PSAP: variants seen among roughly 807,000 people sequenced by gnomAD.
PSAP encodes the protein precursor of saposins.
Under a neutral mutation model 66.0 loss-of-function variants are expected in PSAP, and 25 were observed. That is an observed-to-expected ratio of 0.38 (90% CI 0.28 to 0.53). The LOEUF is 0.53. PSAP is among the 20% of genes least tolerant of loss of function. PSAP has a pLI of 0.83. For missense variants in PSAP, 649 were observed against 668.8 expected (o/e 0.97, Z 0.33); for synonymous variants, 273 against 258.9 (o/e 1.05, Z -0.52).
chr10:71,835,835 A>C (rs891965018), intron 1 of PSAP, among the ~76,000 whole-genome samples: 6 of 135,166 alleles, frequency 4.4e-5, no homozygotes, highest in Non-Finnish European at 7.7e-5. Context: ...AAAAAAAAAA[A>C]AAAACAAAAC....
Position 71,821,324 on chromosome 10 carries a change from T to C in PSAP, c.909+552A>G, listed in dbSNP as rs201061617. Among the ~76,000 whole-genome samples the C allele has an allele frequency of 2.0e-5, 3 of 152,246 alleles. No individual in the cohort carries two copies. The East Asian group carries it at 5.8e-4, about 29-fold the overall frequency. ...AAGCCCCACGGGCACAATGACATCATCTGTTCACCACAGCCCCTAACATGC... is the reference window on the plus strand; with the variant it reads ...AAGCCCCACGGGCACAATGACATCACCTGTTCACCACAGCCCCTAACATGC... On this transcript the variant is annotated intron_variant, in intron 8 of 13. Transcript: ENST00000394936.
rs541428319 is a variant in PSAP, at chr10:71,828,468, C to A, written c.577-311G>T. Among the ~76,000 whole-genome samples, 79 of 152,150 alleles carry A rather than the reference C, an allele frequency of 5.2e-4. 2 individuals are homozygous for A. The South Asian group carries it at 0.01, about 20-fold the overall frequency. On this transcript the variant is annotated intron_variant, in intron 5 of 13. Transcript: ENST00000394936. ...CCCAGGAGTTTGAGACCAGTCTGAG[C>A]AACATGGCAAAACAAAAAATACAAA...
chr10:71,834,149 T>C (rs916293867), intron 2 of PSAP, among the ~76,000 whole-genome samples: 1 of 152,176 alleles, frequency 6.6e-6, no homozygotes, highest in African/African-American at 2.4e-5. Context: ...AGAAACCAGG[T>C]AGCCTCAGGA....
At chr10:71,830,318 C>T (rs570786495) in intron 4 of PSAP, among the ~76,000 whole-genome samples, 2 of 152,344 alleles carry the variant, frequency 1.3e-5, no homozygotes, top group South Asian at 2.1e-4. Flanking sequence ...TCCATTTAAT[C>T]CTCCAAAAGA....
In PSAP at chr10:71,835,647, A is replaced by G. The variant is rs186734744; in HGVS notation, c.41-1142T>C. On this transcript the variant is annotated intron_variant, in intron 1 of 13. Transcript: ENST00000394936. ...TGATTTTAGAACCAAAAAAATGGGG[A>G]AAAAAATCCTCAGATTCACATCTCA... Among the ~76,000 whole-genome samples, 562 of 152,174 alleles carry G rather than the reference A, an allele frequency of 3.7e-3. 2 individuals carry two copies. Among genetic ancestry groups the G allele is most frequent in the African/African-American group, 0.011 (466 of 41,516 alleles).
chr10:71,830,449 A>C (rs942402689), intron 4 of PSAP, among the ~76,000 whole-genome samples: 3 of 152,194 alleles, frequency 2.0e-5, no homozygotes, highest in Non-Finnish European at 2.9e-5. Context: ...GACCTAGACC[A>C]AACCCTTTGA....
intron 7 of PSAP, 107 bp downstream of exon 7, chr10:71,825,730 C>CT: frequency 9.1e-7 from 1 of 1,095,074 alleles, no homozygotes; most frequent in Non-Finnish European, 1.4e-6. Flanking sequence ...ATTCAGCACT[C>CT]TAAGGTAAAA....
intron 7 of PSAP, chr10:71,823,902 GAACAAA>G (rs749059377): frequency 7.7e-7 from 1 of 1,297,126 alleles, no homozygotes; most frequent in Non-Finnish European, 1.0e-6. Flanking sequence ...TCCTGCTGTT[GAACAAA>G]AAAACAGGAA....
intron 1 of PSAP, among the ~76,000 whole-genome samples, chr10:71,845,337 G>A (rs989498545): frequency 3.3e-5 from 5 of 152,162 alleles, no homozygotes; most frequent in South Asian, 2.1e-4. Flanking sequence ...GGCTCTCTAC[G>A]GGGGCAGCTG....
At position 71,831,167 on chromosome 10, in the gene PSAP, A is replaced by G; in HGVS notation, c.334T>C (p.Ser112Pro). ...MSASCKEIVD[S>P]YLPVILDIIK... ...ATGTCCAGGATGACAGGGAGGTAGG[A>G]GTCCACTATCTCCTTGCATGAAGCA... The change falls in exon 4 of 14, where the codon TCC (serine) becomes CCC (proline). Residue 112 changes from serine to proline, a missense_variant. By Grantham distance (74) the Ser-to-Pro change is moderately conservative. Coordinates refer to ENST00000394936, the MANE Select transcript of PSAP (RefSeq NM_002778.4). 6.2e-7 allele frequency: 1 copy of G among 1,614,156 alleles called. No homozygotes were observed. Among genetic ancestry groups the G allele is most frequent in the Non-Finnish European group, 8.5e-7 (1 of 1,179,998 alleles).
At position 71,817,111 on chromosome 10, in the gene PSAP, G is replaced by A. The variant is rs1004006583; in HGVS notation, c.*330C>T. ...TCAGAACAAGGCCTCAACCAAGAGG[G>A]TTGATGGCCTCCAGTCAAGAAACTG... On this transcript the variant is annotated 3_prime_UTR_variant, in exon 14 of 14. Transcript: ENST00000394936. 1 of 456,254 alleles carries A rather than the reference G, an allele frequency of 2.2e-6. No homozygotes were observed. The highest frequency in any genetic ancestry group is 4.0e-6 in the Non-Finnish European group (1 of 247,584). 28.3% of individuals were successfully genotyped at this position (456,254 alleles called of 1,614,324 possible). A position where few individuals can be genotyped will look rare whatever the true frequency, so the allele number is the denominator to read the frequency against.
At chr10:71,831,975 C>T in intron 2 of PSAP, 55 bp from the exon 3 acceptor site, 6 of 1,530,638 alleles carry the variant, frequency 3.9e-6, no homozygotes, top group South Asian at 1.1e-5. Context: ...TCACACCCCA[C>T]ACAGCTGGAA....
chr10:71,850,242 TAG>T (rs919106823), intron 1 of PSAP, among the ~76,000 whole-genome samples: 2 of 152,084 alleles, frequency 1.3e-5, no homozygotes, highest in African/African-American at 4.8e-5. Flanking sequence ...TTCATTTCCA[TAG>T]AAATATTTTA....
At chr10:71,837,387 A>C (rs1217692415) in intron 1 of PSAP, among the ~76,000 whole-genome samples, 2 of 152,238 alleles carry the variant, frequency 1.3e-5, no homozygotes. Flanking sequence ...ATCTCCTAAG[A>C]GGGGATCAAA....
chr10:71,825,580 C>A, intron 7 of PSAP: 1 of 554,780 alleles, frequency 1.8e-6, no homozygotes. Context: ...CTGGCCTGAA[C>A]GGGCAGAGGC....
At chr10:71,822,543 A>C in intron 7 of PSAP, 1 of 471,336 alleles carries the variant, frequency 2.1e-6, no homozygotes, top group Non-Finnish European at 4.4e-6. Flanking sequence ...CACACAGTGC[A>C]CATGAAAACC....
At chr10:71,818,471 G>A in intron 13 of PSAP, 146 bp downstream of exon 13, 1 of 794,942 alleles carries the variant, frequency 1.3e-6, no homozygotes, top group Non-Finnish European at 2.3e-6. Context: ...CCATGAGTAA[G>A]CCTAACCACC....
chr10:71,839,317 G>A (rs1185544915), intron 1 of PSAP, among the ~76,000 whole-genome samples: 4 of 151,998 alleles, frequency 2.6e-5, no homozygotes, highest in Admixed American at 2.6e-4. Flanking sequence ...TCGGCTTACT[G>A]CAGCCTCCAC....
intron 8 of PSAP, 80 bp from the exon 9 acceptor site, chr10:71,820,415 C>A: frequency 8.4e-7 from 1 of 1,185,524 alleles, no homozygotes; most frequent in Non-Finnish European, 1.3e-6. Context: ...GGAAAGGGGA[C>A]ACAGAGACCA....
Sources: allele counts gnomAD v4.1 joint callset (sites outside exome capture counted in the v4.1 genomes callset), GRCh38; gene constraint gnomAD v4.1.1; transcripts MANE v1.5; gene names NCBI Gene and HGNC (gene_info 2026-07-23, HGNC 2026-07-21).